Variants in GAB2 observed in about 807,000 individuals in gnomAD.
GAB2 encodes GRB2 associated binding protein 2, also known as GRB2-associated-binding protein 2.
In GAB2, 26 loss-of-function variants were observed where a neutral mutation model predicts 65.5. The ratio of observed to expected loss-of-function variants is 0.40; its 90% CI spans 0.29 to 0.55. The LOEUF (loss-of-function observed/expected upper bound fraction) is 0.55, where lower values mean the gene tolerates loss of function less well. Among genes scored for constraint, GAB2 ranks in the 20% least tolerant of loss-of-function variants. GAB2 has a pLI of 0.53. For synonymous variants in GAB2, 321 were observed against 329.6 expected (o/e 0.97, Z 0.28); for missense variants, 884 against 875.8 (o/e 1.01, Z -0.12).
intron 1 of GAB2, among the ~76,000 whole-genome samples, chr11:78,378,255 A>C (rs1040627394): frequency 1.3e-5 from 2 of 152,230 alleles, no homozygotes; most frequent in Admixed American, 1.3e-4. Context: ...AGGAAAAAAG[A>C]AAGCCAAACA....
At chr11:78,372,152 T>TGCATA (rs1856580047) in intron 1 of GAB2, among the ~76,000 whole-genome samples, 1 of 152,216 alleles carries the variant, frequency 6.6e-6, no homozygotes, top group Non-Finnish European at 1.5e-5. Context: ...GCATTTTTAC[T>TGCATA]GAATGTCTGC....
intron 2 of GAB2, among the ~76,000 whole-genome samples, chr11:78,253,251 C>T (rs1250594536): frequency 6.6e-6 from 1 of 152,068 alleles, no homozygotes; most frequent in African/African-American, 2.4e-5. Flanking sequence ...GCCTCAGCCT[C>T]TCAAAGTGCT....
rs1409229839 is a variant in GAB2, at chr11:78,403,713, C to G, written c.75+13933G>C. On this transcript the variant is annotated intron_variant, in intron 1 of 9. Transcript: ENST00000361507. The stretch of plus-strand genomic sequence containing the variant: ...TTGAGCAAGACCTCAAAAGCACAAG[C>G]AACCAAAGCAAAAACGGACAGAAGG... Among the ~76,000 whole-genome samples, 4 of 152,156 alleles carry G rather than the reference C, an allele frequency of 2.6e-5. No individual in the cohort carries two copies. The South Asian group carries it at 6.2e-4, about 24-fold the overall frequency.
intron 1 of GAB2, among the ~76,000 whole-genome samples, chr11:78,307,591 C>T (rs1855390857): frequency 1.0e-5 from 1 of 98,356 alleles, no homozygotes; most frequent in Admixed American, 1.0e-4. Flanking sequence ...GATCCCATCT[C>T]TACAAAAAAT....
intron 1 of GAB2, among the ~76,000 whole-genome samples, chr11:78,309,122 C>A (rs900833848): frequency 6.6e-6 from 1 of 151,928 alleles, no homozygotes; most frequent in Admixed American, 6.6e-5. Context: ...ATGAAAACTG[C>A]GGGAGAGAGA....
At chr11:78,264,515 C>T (rs1393354070) in intron 2 of GAB2, among the ~76,000 whole-genome samples, 3 of 151,914 alleles carry the variant, frequency 2.0e-5, no homozygotes, top group Admixed American at 6.6e-5. Flanking sequence ...ATTTTCCTGC[C>T]GCAGCCTCCT....
intron 3 of GAB2, among the ~76,000 whole-genome samples, chr11:78,232,345 C>T (rs1046386805): frequency 3.3e-5 from 5 of 152,168 alleles, no homozygotes; most frequent in Non-Finnish European, 7.4e-5. Flanking sequence ...TGACTCACAT[C>T]AATGTATCAT....
chr11:78,411,160 G>C (rs79918294), intron 1 of GAB2, among the ~76,000 whole-genome samples: 1 of 129,788 alleles, frequency 7.7e-6, no homozygotes, highest in Non-Finnish European at 1.5e-5. Context: ...GGGGGTGGTT[G>C]GGGGGGGGGA....
intron 5 of GAB2, among the ~76,000 whole-genome samples, 173 bp downstream of exon 5, chr11:78,224,935 T>C (rs960690979): frequency 3.3e-5 from 5 of 152,202 alleles, no homozygotes; most frequent in African/African-American, 1.2e-4. Flanking sequence ...AGAATACTTA[T>C]ATCTTACTTG....
chr11:78,384,706 G>A (rs1273072305), intron 1 of GAB2, among the ~76,000 whole-genome samples: 1 of 152,148 alleles, frequency 6.6e-6, no homozygotes, highest in East Asian at 1.9e-4. Context: ...AGCAGAGCTC[G>A]AACCAATGGG....
chr11:78,322,298 C>CAAAAAAAAAA lies in GAB2; in HGVS notation c.76-41407_76-41398dup, dbSNP rs56709163. Reference sequence around the variant, plus strand: ...TGGCTGACAGAGGGAGACTCTGTCTCAAAAAAAAAAAAAAAAAAAAAAAAA... The same window carrying CAAAAAAAAAA: ...TGGCTGACAGAGGGAGACTCTGTCTCAAAAAAAAAAAAAAAAAAAAAAAAAAAAAAAAAAA... On this transcript the variant is annotated intron_variant, in intron 1 of 9. Coordinates refer to ENST00000361507, the MANE Select transcript of GAB2 (RefSeq NM_080491.3). Among the ~76,000 whole-genome samples, 24 of 12,076 alleles carry CAAAAAAAAAA rather than the reference C, an allele frequency of 2.0e-3. 4 individuals carry two copies. The highest frequency in any genetic ancestry group is 2.4e-3 in the African/African-American group (12 of 4,966). 7.9% of individuals were successfully genotyped at this position (12,076 alleles called of 152,430 possible).
At chr11:78,364,021 G>T (rs1856467582) in intron 1 of GAB2, 1 of 152,146 alleles carries the variant, frequency 6.6e-6, no homozygotes, top group Non-Finnish European at 1.5e-5. Flanking sequence ...CTTACTGTAT[G>T]CCAGAATCAG....
intron 4 of GAB2, among the ~76,000 whole-genome samples, chr11:78,225,931 C>T (rs76160723): frequency 1.3e-4 from 20 of 152,300 alleles, no homozygotes; most frequent in African/African-American, 4.8e-4. Flanking sequence ...GAGGAGGTTA[C>T]ATGCAGAGTT....
At chr11:78,260,307 T>C (rs780750802) in intron 2 of GAB2, among the ~76,000 whole-genome samples, 22 of 152,142 alleles carry the variant, frequency 1.4e-4, no homozygotes, top group African/African-American at 2.7e-4. Context: ...TTAGCAGAAA[T>C]TGATTCTGTG....
intron 8 of GAB2, among the ~76,000 whole-genome samples, 172 bp downstream of exon 8, chr11:78,221,505 T>C (rs1232149289): frequency 1.3e-5 from 2 of 152,176 alleles, no homozygotes; most frequent in Non-Finnish European, 2.9e-5. Context: ...TGACAACTCC[T>C]ACTGCTTGAT....
chr11:78,275,241 G>C (rs1050765443), intron 2 of GAB2, among the ~76,000 whole-genome samples: 2 of 152,136 alleles, frequency 1.3e-5, no homozygotes, highest in Admixed American at 6.6e-5. Flanking sequence ...CCAAGGATGG[G>C]GAGTGGGTAG....
chr11:78,229,634 T>C (rs1242176170), intron 3 of GAB2, among the ~76,000 whole-genome samples: 1 of 152,200 alleles, frequency 6.6e-6, no homozygotes, highest in Non-Finnish European at 1.5e-5. Context: ...TTTACTTTCC[T>C]AACTTCCCAG....
chr11:78,239,833 T>C (rs1865079143), intron 3 of GAB2, among the ~76,000 whole-genome samples: 1 of 152,184 alleles, frequency 6.6e-6, no homozygotes, highest in African/African-American at 2.4e-5. Flanking sequence ...CACATAGCTG[T>C]GTTCCGTGTG....
rs538544377 is a variant in GAB2, at chr11:78,236,317, A to T, written c.621-9266T>A. ...GTGACCTTGCTAAACTCACTTAAAA[A>T]TTTTTTTGTTGTTAAAATACACAGG... On this transcript the variant is annotated intron_variant, in intron 3 of 9. Coordinates refer to ENST00000361507, the MANE Select transcript of GAB2 (RefSeq NM_080491.3). Among the ~76,000 whole-genome samples the T allele has an allele frequency of 1.7e-4, 26 of 152,298 alleles. No homozygotes were observed. The East Asian group carries it at 4.6e-3, about 27-fold the overall frequency.
Sources: allele counts gnomAD v4.1 joint callset (sites outside exome capture counted in the v4.1 genomes callset), GRCh38; gene constraint gnomAD v4.1.1; transcripts MANE v1.5; gene names NCBI Gene and HGNC (gene_info 2026-07-23, HGNC 2026-07-21).